SANBR: variants seen among roughly 807,000 people sequenced by gnomAD.
SANBR encodes the protein SANT and BTB domain regulator of class switch recombination.
A neutral mutation model predicts 101.8 loss-of-function variants in SANBR; 77 were observed. The observed-to-expected ratio is 0.76, with a 90% CI of 0.63 to 0.91. SANBR has a LOEUF of 0.91. Among genes scored for constraint, SANBR ranks in the 40% least tolerant of loss-of-function variants. SANBR has a pLI of 0.00. For missense variants in SANBR, 875 were observed against 853.0 expected (o/e 1.03, Z -0.32); for synonymous variants, 279 against 274.7 (o/e 1.02, Z -0.15).
chr2:61,119,438 G>A (rs1023763526), intron 20 of SANBR, among the ~76,000 whole-genome samples: 2 of 152,028 alleles, frequency 1.3e-5, no homozygotes, highest in African/African-American at 2.4e-5. Flanking sequence ...GAAAAGACAA[G>A]CCATAAACTA....
chr2:61,091,272 C>T (rs1682740668), intron 10 of SANBR, among the ~76,000 whole-genome samples: 1 of 151,894 alleles, frequency 6.6e-6, no homozygotes, highest in Non-Finnish European at 1.5e-5. Flanking sequence ...AGTGAGGCCC[C>T]CTTCTCTACA....
chr2:61,135,654 C>G (rs761272316), intron 21 of SANBR, among the ~76,000 whole-genome samples: 1 of 152,168 alleles, frequency 6.6e-6, no homozygotes, highest in Non-Finnish European at 1.5e-5. Flanking sequence ...TACCAGAGCA[C>G]TATCATTAGG....
chr2:61,089,204 TTTG>T (rs1228561941), intron 10 of SANBR: 3 of 985,080 alleles, frequency 3.0e-6, no homozygotes, highest in Non-Finnish European at 3.6e-6. Flanking sequence ...TTCTTCATAC[TTTG>T]TCAGTATTTC....
chr2:61,083,062 A>C, intron 7 of SANBR, 92 bp from the exon 8 acceptor site: 6 of 1,030,470 alleles, frequency 5.8e-6, no homozygotes, highest in Non-Finnish European at 8.7e-6. Context: ...TATATGGATT[A>C]GACTTTTAAT....
chr2:61,123,499 G>C lies in SANBR; in HGVS notation c.*1337G>C. 1 of 973,272 alleles carries C rather than the reference G, an allele frequency of 1.0e-6. No homozygotes were observed. Among genetic ancestry groups the C allele is most frequent in the African/African-American group, 1.8e-5 (1 of 57,008 alleles). The allele number at this position is 973,272 out of a possible 1,614,324, so 60.3% of individuals were successfully genotyped here. On this transcript the variant is annotated 3_prime_UTR_variant, in exon 22 of 22. Transcript: ENST00000402291. ...GTTCCCATTTATATTTGTTTCAATT[G>C]TTTGATACTGTGGAAATAGACTTTT...
At chr2:61,069,326 C>T (rs1681338733) in intron 2 of SANBR, among the ~76,000 whole-genome samples, 1 of 152,128 alleles carries the variant, frequency 6.6e-6, no homozygotes, top group Non-Finnish European at 1.5e-5. Flanking sequence ...TCTTTCCACG[C>T]TGTCAGTCAG....
chr2:61,125,347 CGT>C (rs1313150851), downstream of SANBR, among the ~76,000 whole-genome samples: 2 of 152,022 alleles, frequency 1.3e-5, no homozygotes, highest in Non-Finnish European at 2.9e-5. Flanking sequence ...TATGTGTGTG[CGT>C]ATATGTATTT....
chr2:61,135,103 T>C (rs547683040), intron 21 of SANBR, among the ~76,000 whole-genome samples: 1 of 152,228 alleles, frequency 6.6e-6, no homozygotes, highest in African/African-American at 2.4e-5. Context: ...AGCACGAAAA[T>C]CTCCTGAACT....
At chr2:61,068,391 A>AT (rs1419307476) in intron 1 of SANBR, among the ~76,000 whole-genome samples, 2 of 152,216 alleles carry the variant, frequency 1.3e-5, no homozygotes, top group Non-Finnish European at 2.9e-5. Flanking sequence ...ATTCTTGGAA[A>AT]TTTTTGTGCC....
chr2:61,073,396 C>A, intron 4 of SANBR, 62 bp from the exon 5 acceptor site: 2 of 752,174 alleles, frequency 2.7e-6, no homozygotes, highest in South Asian at 2.1e-5. Context: ...AAAACCCATT[C>A]TCAGCTAGAA....
Position 61,071,668 on chromosome 2 carries a change from T to C in SANBR, c.213T>C (p.Asn71=). The C allele has an allele frequency of 6.2e-7, 1 of 1,600,372 alleles. No homozygotes were observed. The highest frequency in any genetic ancestry group is 8.5e-7 in the Non-Finnish European group (1 of 1,175,384). The stretch of plus-strand genomic sequence containing the variant: ...GCTCGCCTGTTGACAACCAGTATAA[T>C]TCCCTAATGGCTGCTGGAGAGAGTC... ...SGSSPVDNQY[N]SLMAAGESPV... The change falls in exon 4 of 22, where the codon AAT becomes AAC. Residue 71 remains asparagine, a synonymous_variant. Coordinates refer to ENST00000402291, the MANE Select transcript of SANBR (RefSeq NM_001129993.3).
At position 61,122,730 on chromosome 2, in the gene SANBR, G is replaced by T. The variant is rs779819465; in HGVS notation, c.*568G>T. Reference sequence around the variant, plus strand: ...ATTTCAGTACTGTGTTGGGCAGAAGGGTTAATTTTTTTCAGCATTATATCG... The same window carrying T: ...ATTTCAGTACTGTGTTGGGCAGAAGTGTTAATTTTTTTCAGCATTATATCG... On this transcript the variant is annotated 3_prime_UTR_variant, in exon 22 of 22. Transcript: ENST00000402291. 1.0e-6 allele frequency: 1 copy of T among 985,438 alleles called. No individual in the cohort carries two copies. Among genetic ancestry groups the T allele is most frequent in the Non-Finnish European group, 1.2e-6 (1 of 829,886 alleles). The allele number at this position is 985,438 out of a possible 1,614,324, so 61.0% of individuals were successfully genotyped here. A position where few individuals can be genotyped will look rare whatever the true frequency, so the allele number is the denominator to read the frequency against.
chr2:61,106,685 T>A (rs905016140), intron 14 of SANBR, 23 bp downstream of exon 14: 3 of 1,317,328 alleles, frequency 2.3e-6, no homozygotes. Context: ...TTTTCACTTA[T>A]TCTTTATTTA....
intron 18 of SANBR, 40 bp downstream of exon 18, chr2:61,117,425 A>C (rs756572389): frequency 1.2e-6 from 2 of 1,612,562 alleles, no homozygotes; most frequent in African/African-American, 1.3e-5. Context: ...ATCCACTCTT[A>C]AAGAAGCATC....
intron 12 of SANBR, among the ~76,000 whole-genome samples, chr2:61,100,614 T>C (rs1009392337): frequency 1.3e-5 from 2 of 152,320 alleles, no homozygotes; most frequent in Admixed American, 1.3e-4. Flanking sequence ...AAAATTCTGT[T>C]TTTGTCATTT....
Position 61,123,725 on chromosome 2 carries a change from G to T in SANBR, c.*1563G>T. Reference sequence around the variant, plus strand: ...TTAACTGATGGTAAAAAGGCAAACTGCTTCTCCCCTGGGAGGCCTATACCA... The same window carrying T: ...TTAACTGATGGTAAAAAGGCAAACTTCTTCTCCCCTGGGAGGCCTATACCA... On this transcript the variant is annotated 3_prime_UTR_variant, in exon 22 of 22. Coordinates refer to ENST00000402291, the MANE Select transcript of SANBR (RefSeq NM_001129993.3). 2 of 985,424 alleles carry T rather than the reference G, an allele frequency of 2.0e-6. No individual in the cohort carries two copies. Among genetic ancestry groups the T allele is most frequent in the Non-Finnish European group, 2.4e-6 (2 of 829,820 alleles). The allele number at this position is 985,424 out of a possible 1,614,324, so 61.0% of individuals were successfully genotyped here.
intron 17 of SANBR, chr2:61,117,099 C>A: frequency 2.1e-5 from 10 of 466,500 alleles, no homozygotes; most frequent in East Asian, 3.7e-5. Context: ...CCAAGGTTAA[C>A]AAATGAAGCT....
chr2:61,077,359 C>T (rs1370045946), intron 6 of SANBR, among the ~76,000 whole-genome samples: 2 of 152,102 alleles, frequency 1.3e-5, no homozygotes, highest in African/African-American at 4.8e-5. Context: ...ATCTCTAGAT[C>T]AGCAGTTCCC....
chr2:61,116,119 G>A, intron 17 of SANBR, 49 bp downstream of exon 17: 2 of 1,268,290 alleles, frequency 1.6e-6, no homozygotes, highest in Non-Finnish European at 2.3e-6. Flanking sequence ...AAATAAGCAT[G>A]TGAGTATAGC....
Sources: gnomAD v4.1 joint callset for allele counts (sites outside exome capture counted in the v4.1 genomes callset) on GRCh38, gnomAD v4.1.1 for gene constraint, MANE v1.5 for transcripts, NCBI Gene and HGNC (gene_info 2026-07-23, HGNC 2026-07-21) for gene names.